GPR176: variants seen among roughly 807,000 people sequenced by gnomAD.
The protein encoded by GPR176 is G protein-coupled receptor 176, also known as G-protein coupled receptor 176.
Under a neutral mutation model 35.4 loss-of-function variants are expected in GPR176, and 26 were observed. The ratio of observed to expected loss-of-function variants is 0.74; its 90% CI spans 0.54 to 1.02. The LOEUF (loss-of-function observed/expected upper bound fraction) is 1.02, where lower values mean the gene tolerates loss of function less well. GPR176 is among the 50% of genes least tolerant of loss of function. The probability of loss-of-function intolerance (pLI) is 0.00; values close to 1 mark genes in which losing one functional copy is unlikely to be tolerated. For synonymous variants in GPR176, 278 were observed against 271.3 expected (o/e 1.02, Z -0.24); for missense variants, 597 against 665.3 (o/e 0.90, Z 1.13).
At position 39,800,427 on chromosome 15, in the gene GPR176, G is replaced by A. The variant is rs1898780410; in HGVS notation, c.*705C>T. 6.6e-6 allele frequency: 1 copy of A among 152,260 alleles called. No individual in the cohort carries two copies. Among genetic ancestry groups the A allele is most frequent in the South Asian group, 2.1e-4 (1 of 4,824 alleles). The allele number at this position is 152,260 out of a possible 1,614,324, so 9.4% of individuals were successfully genotyped here. On this transcript the variant is annotated 3_prime_UTR_variant, in exon 3 of 3. Coordinates refer to ENST00000561100, the MANE Select transcript of GPR176 (RefSeq NM_007223.3). ...CTGACCCTGACTGGAGGGTGCAGGT[G>A]TATCTCTCTGAGGCGTTGGTGATGC...
intron 2 of GPR176, among the ~76,000 whole-genome samples, chr15:39,804,067 T>C (rs1899049599): frequency 6.6e-6 from 1 of 152,202 alleles, no homozygotes; most frequent in Non-Finnish European, 1.5e-5. Flanking sequence ...TACACATGAA[T>C]AGATGCTTAG....
chr15:39,884,807 G>A (rs897341914), intron 1 of GPR176, among the ~76,000 whole-genome samples: 6 of 152,118 alleles, frequency 3.9e-5, no homozygotes, highest in Admixed American at 6.5e-5. Flanking sequence ...CTCACAACCC[G>A]CTGGTCAGAC....
chr15:39,856,988 G>T (rs1272960107), intron 1 of GPR176, among the ~76,000 whole-genome samples: 2 of 152,012 alleles, frequency 1.3e-5, no homozygotes, highest in Non-Finnish European at 2.9e-5. Flanking sequence ...CATTCCATAT[G>T]TCTTTACTGG....
chr15:39,908,641 T>A (rs1276359573), intron 1 of GPR176, among the ~76,000 whole-genome samples: 1 of 151,614 alleles, frequency 6.6e-6, no homozygotes, highest in African/African-American at 2.4e-5. Context: ...AACAATATCA[T>A]CAGGATTCAT....
intron 1 of GPR176, among the ~76,000 whole-genome samples, chr15:39,811,560 C>T (rs1899547458): frequency 6.6e-6 from 1 of 152,048 alleles, no homozygotes; most frequent in African/African-American, 2.4e-5. Flanking sequence ...CACCTCAAAT[C>T]CAAAAATCCA....
Position 39,800,519 on chromosome 15 carries a change from T to C in GPR176, c.*613A>G, listed in dbSNP as rs1345656420. ...ACTCCCGGGCACATCTATCGCCATG[T>C]GTACCATAGGTGAGGAATCGTCATT... On this transcript the variant is annotated 3_prime_UTR_variant, in exon 3 of 3. Transcript: ENST00000561100. 1 of 152,900 alleles carries C rather than the reference T, an allele frequency of 6.5e-6. No homozygotes were observed. Among genetic ancestry groups the C allele is most frequent in the Non-Finnish European group, 1.5e-5 (1 of 68,596 alleles). 9.5% of individuals were successfully genotyped at this position (152,900 alleles called of 1,614,324 possible). A position where few individuals can be genotyped will look rare whatever the true frequency, so the allele number is the denominator to read the frequency against.
intron 1 of GPR176, among the ~76,000 whole-genome samples, chr15:39,840,182 C>A (rs754660819): frequency 2.0e-5 from 3 of 152,108 alleles, no homozygotes; most frequent in Non-Finnish European, 2.9e-5. Flanking sequence ...CACATGCACA[C>A]GTATGTTTAT....
At chr15:39,852,315 T>C (rs2030930096) in intron 1 of GPR176, among the ~76,000 whole-genome samples, 1 of 152,138 alleles carries the variant, frequency 6.6e-6, no homozygotes, top group South Asian at 2.1e-4. Flanking sequence ...GAGCCCAGTA[T>C]AAGACCTCAG....
At chr15:39,853,732 G>C (rs1457692020) in intron 1 of GPR176, among the ~76,000 whole-genome samples, 1 of 152,072 alleles carries the variant, frequency 6.6e-6, no homozygotes, top group Non-Finnish European at 1.5e-5. Flanking sequence ...CTTGCACCTA[G>C]AAGACAGAGG....
intron 1 of GPR176, among the ~76,000 whole-genome samples, chr15:39,876,604 T>C (rs1256057354): frequency 4.6e-5 from 7 of 152,204 alleles, no homozygotes; most frequent in African/African-American, 1.7e-4. Context: ...CAGTATCTCA[T>C]GAAAGCTATT....
intron 1 of GPR176, among the ~76,000 whole-genome samples, chr15:39,869,690 G>C (rs4924395): frequency 0.27 from 40,812 of 150,658 alleles, 6,091 homozygotes; most frequent in Non-Finnish European, 0.34. Context: ...TTGAACTCTT[G>C]TTCAAAGGCC....
chr15:39,910,256 A>C (rs1181322211), intron 1 of GPR176, among the ~76,000 whole-genome samples: 1 of 152,238 alleles, frequency 6.6e-6, no homozygotes, highest in Non-Finnish European at 1.5e-5. Context: ...GAGATAAGTC[A>C]AAGGTACCTA....
chr15:39,915,734 C>T (rs1188388950), intron 1 of GPR176, among the ~76,000 whole-genome samples: 1 of 152,016 alleles, frequency 6.6e-6, no homozygotes, highest in East Asian at 1.9e-4. Context: ...AAAAAATTAG[C>T]TGGGCGTGGT....
chr15:39,898,629 G>T (rs561622629), intron 1 of GPR176, among the ~76,000 whole-genome samples: 4 of 152,124 alleles, frequency 2.6e-5, no homozygotes, highest in Non-Finnish European at 4.4e-5. Flanking sequence ...GGAACTCCTG[G>T]AGTGTAAAGA....
At chr15:39,855,891 C>CT (rs2031183830) in intron 1 of GPR176, among the ~76,000 whole-genome samples, 3 of 152,198 alleles carry the variant, frequency 2.0e-5, no homozygotes, top group South Asian at 4.1e-4. Flanking sequence ...CTTACTAAGA[C>CT]TGCAGTGCTA....
chr15:39,821,387 G>T (rs1167809824), intron 1 of GPR176, among the ~76,000 whole-genome samples: 19 of 152,168 alleles, frequency 1.2e-4, no homozygotes, highest in Admixed American at 1.2e-3. Context: ...CAATGTGGAT[G>T]AAGCAAATAA....
At chr15:39,872,701 G>T (rs2032088794) in intron 1 of GPR176, among the ~76,000 whole-genome samples, 1 of 152,092 alleles carries the variant, frequency 6.6e-6, no homozygotes, top group African/African-American at 2.4e-5. Flanking sequence ...TATGATGAAA[G>T]CAAGAGCAAG....
At position 39,881,929 on chromosome 15, in the gene GPR176, A is replaced by G. The variant is rs148646970; in HGVS notation, c.172+37926T>C. On this transcript the variant is annotated intron_variant, in intron 1 of 2. Coordinates refer to ENST00000561100, the MANE Select transcript of GPR176 (RefSeq NM_007223.3). ...ATATTGGACAATTATTCCATTTGCC[A>G]GTGTGTTTCTGTCACAAATTCTTAT... 2.3e-3 allele frequency among the ~76,000 whole-genome samples: 353 copies of G among 152,346 alleles called. 1 individual carries two copies. The highest frequency in any genetic ancestry group is 8.2e-3 in the African/African-American group (343 of 41,586).
chr15:39,902,542 T>C (rs1028342119), intron 1 of GPR176, among the ~76,000 whole-genome samples: 1 of 152,174 alleles, frequency 6.6e-6, no homozygotes, highest in African/African-American at 2.4e-5. Context: ...CTTGCAACCT[T>C]GGGAGCAGGC....
Sources: gnomAD v4.1 joint callset for allele counts (sites outside exome capture counted in the v4.1 genomes callset) on GRCh38, gnomAD v4.1.1 for gene constraint, MANE v1.5 for transcripts, NCBI Gene and HGNC (gene_info 2026-07-23, HGNC 2026-07-21) for gene names.